CLCN5: variants seen among roughly 807,000 people sequenced by gnomAD.
CLCN5 encodes H(+)/Cl(-) exchange transporter 5.
In CLCN5, 17 loss-of-function variants were observed where a neutral mutation model predicts 54.0. That is an observed-to-expected ratio of 0.31 (90% CI 0.22 to 0.47). The LOEUF is 0.47. CLCN5 is among the 20% of genes least tolerant of loss of function. The pLI is 1.00. For synonymous variants in CLCN5, 222 were observed against 233.0 expected (o/e 0.95, Z 0.43); for missense variants, 448 against 646.7 (o/e 0.69, Z 3.33).
At chrX:49,982,582 C>T (rs782399466) in intron 3 of CLCN5, among the ~76,000 whole-genome samples, 1 of 111,392 alleles carries the variant, frequency 9.0e-6, no homozygotes, top group East Asian at 2.8e-4. Flanking sequence ...AAAGGCTAGC[C>T]CCCTCTTAAG....
At position 50,090,533 on chromosome X, in the gene CLCN5, G is replaced by A. The variant is rs782628799; in HGVS notation, c.2143+19G>A. 8.4e-7 allele frequency: 1 copy of A among 1,196,347 alleles called. No homozygotes were observed. The highest frequency in any genetic ancestry group is 1.1e-6 in the Non-Finnish European group (1 of 885,464). ...TCAATTGGTAAGGATTTCAGAAAGG[G>A]GATAGTGGAATCCACTGTGGAACTC... On this transcript the variant is annotated intron_variant, in intron 13 of 14. Coordinates refer to ENST00000376091, the MANE Select transcript of CLCN5 (RefSeq NM_001127898.4).
intron 3 of CLCN5, among the ~76,000 whole-genome samples, chrX:49,928,008 G>A (rs1925437729): frequency 8.9e-6 from 1 of 112,030 alleles, no homozygotes; most frequent in African/African-American, 3.2e-5. Context: ...GCTGGGAAGG[G>A]AAGGAGTTTG....
intron 3 of CLCN5, among the ~76,000 whole-genome samples, chrX:49,972,112 GGTGTGT>G (rs61157983): frequency 0.11 from 9,214 of 86,434 alleles, 440 homozygotes; most frequent in Non-Finnish European, 0.13. Context: ...TGCATTCTCT[GGTGTGT>G]GTGTGTGTGT....
At chrX:50,028,160 A>T (rs1302029825) in intron 3 of CLCN5, among the ~76,000 whole-genome samples, 2 of 111,561 alleles carry the variant, frequency 1.8e-5, no homozygotes, top group Non-Finnish European at 3.8e-5. Flanking sequence ...TTTTTTCCCC[A>T]CTTAGGTAAG....
intron 4 of CLCN5, among the ~76,000 whole-genome samples, chrX:50,043,362 A>G (rs1557187435): frequency 8.9e-6 from 1 of 111,929 alleles, no homozygotes; most frequent in African/African-American, 3.2e-5. Context: ...GCAACAAACA[A>G]CCTTGCATCT....
chrX:50,051,454 T>A (rs2147494272), intron 4 of CLCN5, among the ~76,000 whole-genome samples: 1 of 112,281 alleles, frequency 8.9e-6, no homozygotes, highest in African/African-American at 3.2e-5. Flanking sequence ...TGAGGTAGTG[T>A]GAGCCTTCCA....
At chrX:50,064,164 A>G (rs1179117748) in intron 4 of CLCN5, among the ~76,000 whole-genome samples, 1 of 109,980 alleles carries the variant, frequency 9.1e-6, no homozygotes, top group Non-Finnish European at 1.9e-5. Context: ...GGCCAGGGCA[A>G]TCAGGCAGGA....
At chrX:49,959,945 GTTCTAC>G (rs1369875056) in intron 3 of CLCN5, among the ~76,000 whole-genome samples, 1 of 111,461 alleles carries the variant, frequency 9.0e-6, no homozygotes, top group Non-Finnish European at 1.9e-5. Flanking sequence ...ATCTGGAACT[GTTCTAC>G]TTCTGATACT....
chrX:49,943,708 G>T lies in CLCN5; in HGVS notation c.16+18394G>T, dbSNP rs782767777. Among the ~76,000 whole-genome samples, 238 of 111,475 alleles carry T rather than the reference G, an allele frequency of 2.1e-3. 1 individual carries two copies. The highest frequency in any genetic ancestry group is 3.5e-3 in the Non-Finnish European group (188 of 53,100). Reference sequence around the variant, plus strand: ...TGTCAGGTTTGTCAAAGATCAGATGGTTGTAGATATGTGGCATTATTTCTG... The same window carrying T: ...TGTCAGGTTTGTCAAAGATCAGATGTTTGTAGATATGTGGCATTATTTCTG... On this transcript the variant is annotated intron_variant, in intron 3 of 14. Coordinates refer to ENST00000376091, the MANE Select transcript of CLCN5 (RefSeq NM_001127898.4).
chrX:50,082,325 T>C (rs1346733775), intron 9 of CLCN5, among the ~76,000 whole-genome samples: 1 of 109,728 alleles, frequency 9.1e-6, no homozygotes, highest in African/African-American at 3.3e-5. Context: ...ACTTTTTTTT[T>C]TTTTTGAGAC....
chrX:50,088,001 C>A (rs1569540401), intron 11 of CLCN5, among the ~76,000 whole-genome samples: 1 of 112,083 alleles, frequency 8.9e-6, no homozygotes, highest in Non-Finnish European at 1.9e-5. Flanking sequence ...AATCTTGTAA[C>A]CATAGTCATG....
intron 5 of CLCN5, among the ~76,000 whole-genome samples, chrX:50,070,431 G>A (rs1384485895): frequency 8.9e-6 from 1 of 111,903 alleles, no homozygotes; most frequent in East Asian, 2.8e-4. Context: ...GAGGAAGGTG[G>A]CAAAATAAAT....
chrX:50,003,310 C>T (rs189784120), intron 3 of CLCN5: 150 of 345,806 alleles, frequency 4.3e-4, no homozygotes, highest in African/African-American at 3.6e-3. Context: ...CCCTCTCTTA[C>T]GTGCTCTGTA....
chrX:50,076,993 A>T (rs1569540128), intron 7 of CLCN5, among the ~76,000 whole-genome samples: 1 of 112,246 alleles, frequency 8.9e-6, no homozygotes, highest in East Asian at 2.8e-4. Context: ...CCACCAACAA[A>T]GACAGGTACC....
At chrX:50,079,958 A>G (rs782719090) in intron 7 of CLCN5, among the ~76,000 whole-genome samples, 1 of 111,892 alleles carries the variant, frequency 8.9e-6, no homozygotes, top group Non-Finnish European at 1.9e-5. Flanking sequence ...AAAGGTAACT[A>G]TGGAAGGTGA....
intron 3 of CLCN5, among the ~76,000 whole-genome samples, chrX:50,025,778 T>C (rs782424214): frequency 1.8e-5 from 2 of 111,339 alleles, no homozygotes; most frequent in Admixed American, 1.9e-4. Context: ...CTTTCATGCT[T>C]ACTTAACCGG....
At chrX:50,033,749 C>T (rs782389901) in intron 3 of CLCN5, among the ~76,000 whole-genome samples, 1 of 111,807 alleles carries the variant, frequency 8.9e-6, no homozygotes, top group South Asian at 3.8e-4. Flanking sequence ...GGAGGCATCA[C>T]GCTACCTGAC....
At chrX:50,035,582 G>C (rs1467688951) in intron 3 of CLCN5, among the ~76,000 whole-genome samples, 3 of 109,714 alleles carry the variant, frequency 2.7e-5, no homozygotes, top group African/African-American at 1.0e-4. Flanking sequence ...ATGTTGAATG[G>C]GGTTTTACCA....
At chrX:49,947,999 C>T (rs1557172465) in intron 3 of CLCN5, among the ~76,000 whole-genome samples, 2 of 110,952 alleles carry the variant, frequency 1.8e-5, no homozygotes, top group Non-Finnish European at 3.8e-5. Context: ...CAGAGTTGTA[C>T]TCCTCTAGTT....
Sources: gnomAD v4.1 joint callset for allele counts (sites outside exome capture counted in the v4.1 genomes callset) on GRCh38, gnomAD v4.1.1 for gene constraint, MANE v1.5 for transcripts, NCBI Gene and HGNC (gene_info 2026-07-23, HGNC 2026-07-21) for gene names.